Variants in RASSF5 observed in about 807,000 individuals in gnomAD.
RASSF5 encodes ras association domain-containing protein 5.
In RASSF5, 25 loss-of-function variants were observed where a neutral mutation model predicts 40.5. That is an observed-to-expected ratio of 0.62 (90% CI 0.45 to 0.86). The LOEUF (loss-of-function observed/expected upper bound fraction) is 0.86. RASSF5 is among the 40% of genes least tolerant of loss of function. The probability of loss-of-function intolerance (pLI) is 0.00; values close to 1 mark genes in which losing one functional copy is unlikely to be tolerated. For synonymous variants in RASSF5, 246 were observed against 252.4 expected, an observed-to-expected ratio of 0.97 and a Z score of 0.24; for missense variants, 521 against 572.8, an observed-to-expected ratio of 0.91 and a Z score of 0.92.
At chr1:206,553,134 G>A (rs1453881406) in intron 2 of RASSF5, among the ~76,000 whole-genome samples, 5 of 152,070 alleles carry the variant, frequency 3.3e-5, no homozygotes, top group East Asian at 1.9e-4. Flanking sequence ...CCTGGGAGGT[G>A]GAGCTTGCAG....
At position 206,588,856 on chromosome 1, in the gene RASSF5, C is replaced by G. The variant is rs1182033202; in HGVS notation, c.*1878C>G. Reference sequence around the variant, plus strand: ...TCATTTTCCTTCGTCCTGCATGTCTCTAACATTAATAGAAGGCATGGCTCC... The same window carrying G: ...TCATTTTCCTTCGTCCTGCATGTCTGTAACATTAATAGAAGGCATGGCTCC... On this transcript the variant is annotated 3_prime_UTR_variant, in exon 6 of 6. Coordinates refer to ENST00000579436, the MANE Select transcript of RASSF5 (RefSeq NM_182663.4). The G allele has an allele frequency of 6.5e-6, 1 of 152,726 alleles. No individual in the cohort carries two copies. The highest frequency in any genetic ancestry group is 1.5e-5 in the Non-Finnish European group (1 of 68,022). 9.5% of individuals were successfully genotyped at this position (152,726 alleles called of 1,614,324 possible). A position where few individuals can be genotyped will look rare whatever the true frequency, so the allele number is the denominator to read the frequency against.
intron 2 of RASSF5, among the ~76,000 whole-genome samples, chr1:206,576,104 C>T (rs1668647704): frequency 6.6e-6 from 1 of 152,230 alleles, no homozygotes; most frequent in Admixed American, 6.5e-5. Flanking sequence ...TGCCTCCATC[C>T]AGAGAGCATC....
At chr1:206,515,596 T>C (rs1467716131) in intron 1 of RASSF5, among the ~76,000 whole-genome samples, 3 of 152,190 alleles carry the variant, frequency 2.0e-5, no homozygotes, top group African/African-American at 7.2e-5. Context: ...GGATAGGGAC[T>C]GGACAATAAT....
rs527350005 is a variant in RASSF5, at chr1:206,546,436, T to C, written c.579+8143T>C. 2.3e-3 allele frequency among the ~76,000 whole-genome samples: 344 copies of C among 152,256 alleles called. 3 individuals are homozygous for C. The highest frequency in any genetic ancestry group is 8.1e-3 in the African/African-American group (335 of 41,552). On this transcript the variant is annotated intron_variant, in intron 2 of 5. Coordinates refer to ENST00000579436, the MANE Select transcript of RASSF5 (RefSeq NM_182663.4). ...AGCTATTGGTTTTCTATGAGTATTC[T>C]ATCTGTTCTTGGTTCACTTTTTCTT...
intron 1 of RASSF5, among the ~76,000 whole-genome samples, chr1:206,517,075 C>T (rs1183014451): frequency 2.6e-5 from 4 of 152,218 alleles, no homozygotes; most frequent in Non-Finnish European, 5.9e-5. Context: ...AATCAGTCCG[C>T]AACTGAGGAA....
chr1:206,508,166 C>T (rs1337247406), intron 1 of RASSF5, 107 bp downstream of exon 1: 1 of 847,686 alleles, frequency 1.2e-6, no homozygotes, highest in Non-Finnish European at 1.6e-6. Flanking sequence ...CTCTTTGGCT[C>T]CAGGGGAGCC....
chr1:206,577,037 C>G (rs1668683452), intron 2 of RASSF5, among the ~76,000 whole-genome samples: 1 of 151,700 alleles, frequency 6.6e-6, no homozygotes. Context: ...TCTCGAACTC[C>G]TGGGCTCAAG....
chr1:206,559,924 G>C (rs1171758438), intron 2 of RASSF5, among the ~76,000 whole-genome samples: 13 of 152,254 alleles, frequency 8.5e-5, no homozygotes, highest in Admixed American at 8.5e-4. Context: ...TCCTCCAAAG[G>C]TTTCAGTCTT....
chr1:206,514,455 G>A (rs1553395127), intron 1 of RASSF5, among the ~76,000 whole-genome samples: 2 of 152,238 alleles, frequency 1.3e-5, no homozygotes, highest in Non-Finnish European at 2.9e-5. Flanking sequence ...GTGGCACTGA[G>A]CAGGTGAGTG....
intron 5 of RASSF5, chr1:206,586,051 T>G (rs1669098370): frequency 6.6e-6 from 1 of 152,286 alleles, no homozygotes; most frequent in Admixed American, 6.5e-5. Flanking sequence ...CACTTTGAAG[T>G]GTGGAGACCT....
intron 1 of RASSF5, among the ~76,000 whole-genome samples, chr1:206,526,293 T>TGTGTGTGTGTGTGTG (rs1553397193): frequency 2.1e-4 from 32 of 151,428 alleles, no homozygotes; most frequent in East Asian, 5.8e-4. Flanking sequence ...TGTGTGTGTG[T>TGTGTGTGTGTGTGTG]TGGAGTTGGG....
intron 2 of RASSF5, among the ~76,000 whole-genome samples, chr1:206,576,186 G>C (rs782540028): frequency 6.6e-6 from 1 of 152,260 alleles, no homozygotes; most frequent in African/African-American, 2.4e-5. Flanking sequence ...TTAGATGCCA[G>C]CTGTAGCCAC....
chr1:206,570,707 C>G (rs978799228), intron 2 of RASSF5, among the ~76,000 whole-genome samples: 2 of 152,068 alleles, frequency 1.3e-5, no homozygotes, highest in East Asian at 3.9e-4. Flanking sequence ...CAAGGTTCAT[C>G]CACGTGATAG....
intron 1 of RASSF5, among the ~76,000 whole-genome samples, chr1:206,511,051 C>G (rs527371451): frequency 1.3e-5 from 2 of 152,188 alleles, no homozygotes; most frequent in Non-Finnish European, 2.9e-5. Flanking sequence ...AAGCTTACCC[C>G]ACTTCAAGGT....
At chr1:206,538,352 C>T (rs1335619001) in intron 2 of RASSF5, 59 bp downstream of exon 2, 6 of 1,601,680 alleles carry the variant, frequency 3.7e-6, no homozygotes, top group Non-Finnish European at 5.1e-6. Context: ...CCCCGGGCTC[C>T]ACTTTCTCTC....
intron 1 of RASSF5, among the ~76,000 whole-genome samples, chr1:206,510,933 C>T (rs1666598910): frequency 1.3e-5 from 2 of 152,148 alleles, no homozygotes; most frequent in Non-Finnish European, 2.9e-5. Flanking sequence ...GCCCAGGAGA[C>T]TGACACTGGG....
chr1:206,583,059 C>A, intron 2 of RASSF5: 1 of 506,174 alleles, frequency 2.0e-6, no homozygotes, highest in East Asian at 3.6e-5. Flanking sequence ...TTAGAGAAAT[C>A]TGAGTTACTT....
At chr1:206,511,196 G>C (rs1157362461) in intron 1 of RASSF5, among the ~76,000 whole-genome samples, 3 of 152,212 alleles carry the variant, frequency 2.0e-5, no homozygotes, top group Admixed American at 6.5e-5. Context: ...AAGGCAGAGA[G>C]AGAACGAAAG....
At chr1:206,568,548 G>A (rs1480570013) in intron 2 of RASSF5, among the ~76,000 whole-genome samples, 2 of 152,156 alleles carry the variant, frequency 1.3e-5, no homozygotes, top group Admixed American at 1.3e-4. Context: ...GAGACCACTC[G>A]GCTCCCACAC....
Sources: allele counts gnomAD v4.1 joint callset (sites outside exome capture counted in the v4.1 genomes callset), GRCh38; gene constraint gnomAD v4.1.1; transcripts MANE v1.5; gene names NCBI Gene and HGNC (gene_info 2026-07-23, HGNC 2026-07-21).